The following ARID3A variants were observed in gnomAD, a reference collection of about 807,000 sequenced individuals.
The protein encoded by ARID3A is AT-rich interaction domain 3A.
A neutral mutation model predicts 52.7 loss-of-function variants in ARID3A; 11 were observed. The observed-to-expected ratio is 0.21, with a 90% CI of 0.13 to 0.35. ARID3A has a LOEUF of 0.35. Among genes scored for constraint, ARID3A ranks in the 10% least tolerant of loss-of-function variants. The probability of loss-of-function intolerance (pLI) is 1.00; values close to 1 mark genes in which losing one functional copy is unlikely to be tolerated. For missense variants in ARID3A, 721 were observed against 838.5 expected (o/e 0.86, Z 1.73); for synonymous variants, 404 against 359.4 (o/e 1.12, Z -1.40).
In ARID3A at chr19:960,205, A is replaced by G; in HGVS notation, c.766+41A>G. On this transcript the variant is annotated intron_variant, in intron 4 of 8. Coordinates refer to ENST00000263620, the MANE Select transcript of ARID3A (RefSeq NM_005224.3). The surrounding 1 kb of genome is among the most constrained non-coding windows in gnomAD (Gnocchi z 4.3). ...CCACCCCGCTGGAGGGAGGTCACAGAAACAGGGCTGTAGGAGGGGCCCTAC... is the reference window on the plus strand; with the variant it reads ...CCACCCCGCTGGAGGGAGGTCACAGGAACAGGGCTGTAGGAGGGGCCCTAC... The G allele has an allele frequency of 6.4e-7, 1 of 1,568,278 alleles. No homozygotes were observed. Among genetic ancestry groups the G allele is most frequent in the Non-Finnish European group, 8.7e-7 (1 of 1,147,564 alleles).
At position 930,584 on chromosome 19, in the gene ARID3A, A is replaced by G. The variant is rs892724439; in HGVS notation, c.368+688A>G. The stretch of plus-strand genomic sequence containing the variant: ...GAGTGCAGTGGCGTGATCTCAGCTC[A>G]CTGCAACCTCCTCCTCCCGGGTTCA... On this transcript the variant is annotated intron_variant, in intron 2 of 8. Coordinates refer to ENST00000263620, the MANE Select transcript of ARID3A (RefSeq NM_005224.3). Among the ~76,000 whole-genome samples the G allele has an allele frequency of 4.2e-5, 6 of 143,820 alleles. No individual in the cohort carries two copies. In the Admixed American group the frequency reaches 4.2e-4, roughly 10 times the overall value. 94.4% of individuals were successfully genotyped at this position (143,820 alleles called of 152,430 possible). A position where few individuals can be genotyped will look rare whatever the true frequency, so the allele number is the denominator to read the frequency against.
At chr19:963,367 C>A (rs2038082520) in intron 4 of ARID3A, among the ~76,000 whole-genome samples, 1 of 152,216 alleles carries the variant, frequency 6.6e-6, no homozygotes, top group Non-Finnish European at 1.5e-5. Context: ...ACAGACTGTA[C>A]ACAATTGATC....
chr19:971,152 T>A (rs2038269864), intron 8 of ARID3A, among the ~76,000 whole-genome samples: 1 of 152,144 alleles, frequency 6.6e-6, no homozygotes, highest in South Asian at 2.1e-4. Context: ...TATATGCACA[T>A]GTGTGTGATG....
chr19:942,278 C>A lies in ARID3A; in HGVS notation c.693+9536C>A, dbSNP rs2145388975. ...TGAAGTCCAGGTCCCTTCGATGGCC[C>A]AAATTACCTGACTGTCGATCCTGAC... is the stretch of plus-strand genomic sequence containing the variant. On this transcript the variant is annotated intron_variant, in intron 3 of 8. Transcript: ENST00000263620. The surrounding 1 kb of genome is among the most constrained non-coding windows in gnomAD (Gnocchi z 8.1). 6.6e-6 allele frequency among the ~76,000 whole-genome samples: 1 copy of A among 152,310 alleles called. No homozygotes were observed. The highest frequency in any genetic ancestry group is 2.1e-4 in the South Asian group (1 of 4,824).
chr19:932,332 CTG>C (rs1233640540), intron 2 of ARID3A, 84 bp from the exon 3 acceptor site: 1 of 1,556,378 alleles, frequency 6.4e-7, no homozygotes, highest in Non-Finnish European at 8.6e-7. Flanking sequence ...GAGAGGGAAA[CTG>C]AGGCTGGGCG....
intron 3 of ARID3A, among the ~76,000 whole-genome samples, chr19:958,441 AAAAAGAAG>A (rs2037968613): frequency 6.6e-6 from 1 of 151,496 alleles, no homozygotes; most frequent in Non-Finnish European, 1.5e-5. Context: ...AAAAAAAAAA[AAAAAGAAG>A]AAAGAAAAAG....
chr19:954,429 C>T (rs1029208254), intron 3 of ARID3A, among the ~76,000 whole-genome samples: 14 of 152,226 alleles, frequency 9.2e-5, no homozygotes, highest in Non-Finnish European at 1.8e-4. Flanking sequence ...GCCCTGTGGC[C>T]CCGCATTTTC....
At position 972,106 on chromosome 19, in the gene ARID3A, G is replaced by C. The variant is rs570858435; in HGVS notation, c.*41G>C. 2 of 1,489,340 alleles carry C rather than the reference G, an allele frequency of 1.3e-6. No homozygotes were observed. Among genetic ancestry groups the C allele is most frequent in the Non-Finnish European group, 1.8e-6 (2 of 1,123,594 alleles). 92.3% of individuals were successfully genotyped at this position (1,489,340 alleles called of 1,614,324 possible). ...CCCGCCACCCACCCTGGAGCCCGCCGGCCTGGGCAGGGGGTCCAGGTGGGC... is the reference window on the plus strand; with the variant it reads ...CCCGCCACCCACCCTGGAGCCCGCCCGCCTGGGCAGGGGGTCCAGGTGGGC... On this transcript the variant is annotated 3_prime_UTR_variant, in exon 9 of 9. Coordinates refer to ENST00000263620, the MANE Select transcript of ARID3A (RefSeq NM_005224.3).
chr19:932,223 G>A (rs555943847), intron 2 of ARID3A, among the ~76,000 whole-genome samples, 195 bp from the exon 3 acceptor site: 1 of 152,270 alleles, frequency 6.6e-6, no homozygotes, highest in Admixed American at 6.5e-5. Context: ...GCTGTTCTGG[G>A]CTAATTGGAA....
chr19:962,456 T>C (rs2038061195), intron 4 of ARID3A, among the ~76,000 whole-genome samples: 1 of 140,084 alleles, frequency 7.1e-6, no homozygotes, highest in African/African-American at 2.6e-5. Context: ...AACATCCTCC[T>C]CCCGCCCACT....
chr19:946,706 G>T (rs899897111), intron 3 of ARID3A, among the ~76,000 whole-genome samples: 1 of 152,140 alleles, frequency 6.6e-6, no homozygotes, highest in Non-Finnish European at 1.5e-5. Flanking sequence ...CTCCCAAAGT[G>T]CTGGGATTAC....
chr19:966,540 C>A, intron 6 of ARID3A, 32 bp from the exon 7 acceptor site: 3 of 1,503,924 alleles, frequency 2.0e-6, no homozygotes, highest in Non-Finnish European at 2.7e-6. Context: ...CCAGCCCCTC[C>A]TGGCCACCAA....
chr19:964,649 T>C lies in ARID3A; in HGVS notation c.951-184T>C, dbSNP rs925663963. On this transcript the variant is annotated intron_variant, in intron 5 of 8. Transcript: ENST00000263620. The surrounding 1 kb of genome is among the most constrained non-coding windows in gnomAD (Gnocchi z 5.7). ...TCTGGGGTTGTGCAATCAGGGGCCA[T>C]TGCGAGGAACAGCATTGAGATGGAG... Among the ~76,000 whole-genome samples, 1 of 152,000 alleles carries C rather than the reference T, an allele frequency of 6.6e-6. No individual in the cohort carries two copies. Among genetic ancestry groups the C allele is most frequent in the Non-Finnish European group, 1.5e-5 (1 of 67,974 alleles).
rs770344086 is a variant in ARID3A, at chr19:964,819, C to T, written c.951-14C>T. 2.7e-5 allele frequency: 44 copies of T among 1,607,604 alleles called. No homozygotes were observed. Among genetic ancestry groups the T allele is most frequent in the South Asian group, 7.7e-5 (7 of 90,854 alleles). ...TGACCCGGGTGCCATCCTCTTCCCT[C>T]GTCCCACCCACAGATACATGAAGTA... On this transcript the variant is annotated splice_polypyrimidine_tract_variant and intron_variant, in intron 5 of 8. Transcript: ENST00000263620. This position sits in a 1 kb window ranked among gnomAD's most constrained non-coding sequence, Gnocchi z 5.7.
intron 3 of ARID3A, among the ~76,000 whole-genome samples, chr19:952,464 A>T (rs1039680348): frequency 6.6e-6 from 1 of 150,534 alleles, no homozygotes; most frequent in Non-Finnish European, 1.5e-5. Flanking sequence ...AAAAAAAAAA[A>T]AAAGGAAAGA....
chr19:972,602 TTTTG>T lies in ARID3A; in HGVS notation c.*541_*544del, dbSNP rs752078797. The T allele has an allele frequency of 2.7e-5, 6 of 222,154 alleles. No individual in the cohort carries two copies. The highest frequency in any genetic ancestry group is 4.5e-5 in the Non-Finnish European group (5 of 110,934). The allele number at this position is 222,154 out of a possible 1,614,324, so 13.8% of individuals were successfully genotyped here. ...AACCCCTGAACCAAGATCACTGAAT[TTTTG>T]TTTTTTTCTTGTTGCTTTGGGAAAT... On this transcript the variant is annotated 3_prime_UTR_variant, in exon 9 of 9. Transcript: ENST00000263620.
In ARID3A at chr19:974,295, G is replaced by T. The variant is rs866176755; in HGVS notation, c.*2230G>T. On this transcript the variant is annotated 3_prime_UTR_variant, in exon 9 of 9. Coordinates refer to ENST00000263620, the MANE Select transcript of ARID3A (RefSeq NM_005224.3). ...TGGACACACACCCCCTTTCCAGGAGGGGGTGGTGGGCGTCTAGGTTTTCCT... is the reference window on the plus strand; with the variant it reads ...TGGACACACACCCCCTTTCCAGGAGTGGGTGGTGGGCGTCTAGGTTTTCCT... 5.7e-5 allele frequency: 13 copies of T among 228,464 alleles called. No individual in the cohort carries two copies. Among genetic ancestry groups the T allele is most frequent in the South Asian group, 1.8e-4 (1 of 5,476 alleles). 14.2% of individuals were successfully genotyped at this position (228,464 alleles called of 1,614,324 possible).
At position 960,273 on chromosome 19, in the gene ARID3A, G is replaced by A; in HGVS notation, c.766+109G>A. The A allele has an allele frequency of 1.0e-6, 1 of 961,908 alleles. No individual in the cohort carries two copies. The highest frequency in any genetic ancestry group is 2.8e-5 in the Admixed American group (1 of 35,884). The allele number at this position is 961,908 out of a possible 1,614,324, so 59.6% of individuals were successfully genotyped here. On this transcript the variant is annotated intron_variant, in intron 4 of 8. Transcript: ENST00000263620. This position sits in a 1 kb window ranked among gnomAD's most constrained non-coding sequence, Gnocchi z 4.3. ...GGGCGGTGGTGAGCACCCCGTGGCTGGAGGCATCCAAGGCTCCTAAATCGG... is the reference window on the plus strand; with the variant it reads ...GGGCGGTGGTGAGCACCCCGTGGCTAGAGGCATCCAAGGCTCCTAAATCGG...
rs961233115 is a variant in ARID3A at position 942,081 on chromosome 19, T to A, written c.693+9339T>A. The stretch of plus-strand genomic sequence containing the variant: ...CGGCCGCGGGGCACAGATCAGCGCC[T>A]CCCCTGCCCGCCATGGGCTCTGGAG... On this transcript the variant is annotated intron_variant, in intron 3 of 8. Transcript: ENST00000263620. This position sits in a 1 kb window ranked among gnomAD's most constrained non-coding sequence, Gnocchi z 8.1. Among the ~76,000 whole-genome samples the A allele has an allele frequency of 6.6e-6, 1 of 151,952 alleles. No individual in the cohort carries two copies. Among genetic ancestry groups the A allele is most frequent in the Non-Finnish European group, 1.5e-5 (1 of 67,988 alleles).
Sources: gnomAD v4.1 joint callset for allele counts (sites outside exome capture counted in the v4.1 genomes callset) on GRCh38, gnomAD v4.1.1 for gene constraint, Gnocchi (gnomAD v3.1) non-coding constraint, MANE v1.5 for transcripts, NCBI Gene and HGNC (gene_info 2026-07-23, HGNC 2026-07-21) for gene names.